The following CSDE1 variants were observed in gnomAD, a reference collection of about 807,000 sequenced individuals.
The protein encoded by CSDE1 is cold shock domain containing E1, also known as cold shock domain-containing protein E1.
In CSDE1, 17 loss-of-function variants were observed where a neutral mutation model predicts 89.3. That is an observed-to-expected ratio of 0.19 (90% CI 0.13 to 0.29). CSDE1 has a LOEUF of 0.29. CSDE1 is among the 10% of genes least tolerant of loss of function. The pLI is 1.00. For missense variants in CSDE1, 672 were observed against 984.2 expected (o/e 0.68, Z 4.24); for synonymous variants, 322 against 332.8 (o/e 0.97, Z 0.35).
At chr1:114,749,332 C>A (rs1213249867) in intron 2 of CSDE1, among the ~76,000 whole-genome samples, 1 of 152,176 alleles carries the variant, frequency 6.6e-6, no homozygotes, top group Non-Finnish European at 1.5e-5. Context: ...CAATGCCTAA[C>A]AATACAGTAG....
intron 10 of CSDE1, among the ~76,000 whole-genome samples, chr1:114,731,566 G>A (rs1157055559): frequency 2.0e-5 from 3 of 151,930 alleles, no homozygotes; most frequent in Non-Finnish European, 1.5e-5. Flanking sequence ...TAGATGATAT[G>A]ATCCCAAACG....
At chr1:114,728,640 T>G (rs1659932928) in intron 12 of CSDE1, among the ~76,000 whole-genome samples, 1 of 152,348 alleles carries the variant, frequency 6.6e-6, no homozygotes, top group East Asian at 1.9e-4. Flanking sequence ...AATTAAAAGT[T>G]ATTAAAAATA....
chr1:114,730,892 TACC>T (rs939952860), intron 10 of CSDE1, among the ~76,000 whole-genome samples: 11 of 152,348 alleles, frequency 7.2e-5, no homozygotes, highest in Admixed American at 6.5e-4. Context: ...TAGAAAAAAT[TACC>T]ACATGTGAAC....
intron 2 of CSDE1, among the ~76,000 whole-genome samples, chr1:114,745,874 G>C (rs972277430): frequency 6.6e-6 from 1 of 152,182 alleles, no homozygotes; most frequent in African/African-American, 2.4e-5. Flanking sequence ...CTGGCTTTCA[G>C]TCCTGACTCT....
At chr1:114,738,281 T>C (rs1488575348) in intron 3 of CSDE1, among the ~76,000 whole-genome samples, 3 of 152,136 alleles carry the variant, frequency 2.0e-5, no homozygotes, top group South Asian at 2.1e-4. Flanking sequence ...ACTCTGGGGA[T>C]CAAGTATAGC....
intron 12 of CSDE1, among the ~76,000 whole-genome samples, chr1:114,729,606 G>A (rs1009607552): frequency 1.3e-5 from 2 of 151,232 alleles, no homozygotes; most frequent in Admixed American, 1.3e-4. Flanking sequence ...TTTACTCTGT[G>A]AAGAATGCTC....
intron 16 of CSDE1, among the ~76,000 whole-genome samples, chr1:114,723,327 C>T (rs1659626286): frequency 1.3e-5 from 2 of 152,122 alleles, no homozygotes; most frequent in South Asian, 4.1e-4. Context: ...GTTGGGGGAA[C>T]AGCGGCACTG....
chr1:114,724,359 AC>A, intron 15 of CSDE1: 1 of 210,736 alleles, frequency 4.7e-6, no homozygotes, highest in Admixed American at 5.3e-5. Flanking sequence ...CACAATACTT[AC>A]ATACTGTCCT....
intron 6 of CSDE1, 31 bp from the exon 7 acceptor site, chr1:114,734,554 A>C (rs1360823247): frequency 6.4e-7 from 1 of 1,564,440 alleles, no homozygotes; most frequent in East Asian, 2.2e-5. Context: ...GGGAGGAGGA[A>C]TGAAACAGGG....
rs1659458646 is a variant in CSDE1 at position 114,720,551 on chromosome 1, A to G, written c.2040T>C (p.Cys680=). 6.8e-6 allele frequency: 11 copies of G among 1,612,758 alleles called. No homozygotes were observed. Among genetic ancestry groups the G allele is most frequent in the Non-Finnish European group, 8.5e-6 (10 of 1,179,148 alleles). The change falls in exon 17 of 20, where the codon TGT becomes TGC. Residue 680 remains cysteine (C), a synonymous_variant. Coordinates refer to ENST00000358528, the MANE Select transcript of CSDE1 (RefSeq NM_001007553.3). ...ITPLRRATVE[C]VKDQFGFINY... ...TGCTGGCACTTACCTGATCTTTCACACATTCCACTGTGGCCCTGCGCAGGG... is the reference window on the plus strand; with the variant it reads ...TGCTGGCACTTACCTGATCTTTCACGCATTCCACTGTGGCCCTGCGCAGGG...
chr1:114,718,004 A>AT lies in CSDE1; in HGVS notation c.*164dup. On this transcript the variant is annotated 3_prime_UTR_variant, in exon 20 of 20. Transcript: ENST00000358528. ...TAAAATGGTTTTCTTAAATTTATTTATTTTTTTAAACATAACACGAGGAAG... is the reference window on the plus strand; with the variant it reads ...TAAAATGGTTTTCTTAAATTTATTTATTTTTTTTAAACATAACACGAGGAAG... 1.6e-6 allele frequency: 1 copy of AT among 634,390 alleles called. No individual in the cohort carries two copies. The highest frequency in any genetic ancestry group is 2.6e-6 in the Non-Finnish European group (1 of 378,828). 39.3% of individuals were successfully genotyped at this position (634,390 alleles called of 1,614,324 possible).
intron 3 of CSDE1, 60 bp from the exon 4 acceptor site, chr1:114,738,132 T>C: frequency 8.0e-7 from 1 of 1,251,586 alleles, no homozygotes; most frequent in Non-Finnish European, 1.2e-6. Flanking sequence ...ATATATTGCT[T>C]CCAAGCTATA....
chr1:114,732,932 A>T (rs1169544101), intron 9 of CSDE1, 116 bp from the exon 10 acceptor site: 9 of 834,564 alleles, frequency 1.1e-5, no homozygotes, highest in Non-Finnish European at 1.7e-5. Context: ...CCCTGAAGCG[A>T]AAAAAGGTGT....
At chr1:114,725,125 C>A in intron 15 of CSDE1, 96 bp downstream of exon 15, 2 of 913,078 alleles carry the variant, frequency 2.2e-6, no homozygotes, top group South Asian at 2.7e-5. Flanking sequence ...ATGAGAATGA[C>A]TGATGTAGAA....
At position 114,718,070 on chromosome 1, in the gene CSDE1, C is replaced by T; in HGVS notation, c.*99G>A. 1.6e-6 allele frequency: 2 copies of T among 1,212,736 alleles called. No homozygotes were observed. Among genetic ancestry groups the T allele is most frequent in the Non-Finnish European group, 1.2e-6 (1 of 823,180 alleles). The allele number at this position is 1,212,736 out of a possible 1,614,324, so 75.1% of individuals were successfully genotyped here. On this transcript the variant is annotated 3_prime_UTR_variant, in exon 20 of 20. Coordinates refer to ENST00000358528, the MANE Select transcript of CSDE1 (RefSeq NM_001007553.3). ...TAATAGCTCAATAGAATAAGTATTC[C>T]AGATTTCGGGAGGGATGAAGAGGGA...
chr1:114,745,822 G>T (rs1188686240), intron 2 of CSDE1, among the ~76,000 whole-genome samples: 1 of 152,166 alleles, frequency 6.6e-6, no homozygotes, highest in Non-Finnish European at 1.5e-5. Flanking sequence ...TGTAACTCAA[G>T]AAATTGATTA....
At position 114,733,769 on chromosome 1, in the gene CSDE1, A is replaced by C; in HGVS notation, c.800T>G (p.Val267Gly). The stretch of plus-strand genomic sequence containing the variant: ...GGGTACTTTTGGGATAACTTTGGTT[A>C]CAGTTCCTTCAAAATGTTCAATGCT... ...DISIEHFEGT[V>G]TKVIPKVPSK... is the part of the protein sequence containing the mutation. Residue 267 changes from valine (V) to glycine (G), a missense_variant, in exon 9 of 20, where the codon GTA becomes GGA. Transcript: ENST00000358528. 1 of 1,613,980 alleles carries C rather than the reference A, an allele frequency of 6.2e-7. No homozygotes were observed. The highest frequency in any genetic ancestry group is 8.5e-7 in the Non-Finnish European group (1 of 1,179,962).
At chr1:114,754,306 T>C (rs1661472219) in intron 1 of CSDE1, among the ~76,000 whole-genome samples, 1 of 152,250 alleles carries the variant, frequency 6.6e-6, no homozygotes, top group Non-Finnish European at 1.5e-5. Context: ...ACCTGTTTTA[T>C]TTCATGTCTT....
At chr1:114,733,958 G>C (rs1207358828) in intron 8 of CSDE1, 31 bp downstream of exon 8, 1 of 1,606,168 alleles carries the variant, frequency 6.2e-7, no homozygotes, top group South Asian at 1.1e-5. Flanking sequence ...GATCTTAAAA[G>C]GCCAAAGATC....
Sources: gnomAD v4.1 joint callset for allele counts (sites outside exome capture counted in the v4.1 genomes callset) on GRCh38, gnomAD v4.1.1 for gene constraint, MANE v1.5 for transcripts, NCBI Gene and HGNC (gene_info 2026-07-23, HGNC 2026-07-21) for gene names.